NPR3: variants seen among roughly 807,000 people sequenced by gnomAD.
NPR3 encodes natriuretic peptide receptor 3.
In NPR3, 34 loss-of-function variants were observed where a neutral mutation model predicts 54.5. The ratio of observed to expected loss-of-function variants is 0.62; its 90% CI spans 0.47 to 0.83. NPR3 has a LOEUF of 0.83. NPR3 is among the 40% of genes least tolerant of loss of function. The probability of loss-of-function intolerance (pLI) is 0.00; values close to 1 mark genes in which losing one functional copy is unlikely to be tolerated. For synonymous variants in NPR3, 289 were observed against 297.1 expected, an observed-to-expected ratio of 0.97 and a Z score of 0.28; for missense variants, 674 against 720.8, an observed-to-expected ratio of 0.94 and a Z score of 0.74.
intron 1 of NPR3, among the ~76,000 whole-genome samples, chr5:32,721,283 A>T (rs184401053): frequency 1.3e-5 from 2 of 152,340 alleles, no homozygotes; most frequent in East Asian, 1.9e-4. Flanking sequence ...AATGGATAAG[A>T]TCTAAAATAA....
intron 3 of NPR3, among the ~76,000 whole-genome samples, chr5:32,740,278 T>A (rs1203552298): frequency 2.0e-5 from 3 of 152,230 alleles, no homozygotes; most frequent in African/African-American, 7.2e-5. Context: ...CGATTCAAAT[T>A]ACTTTTTCCT....
intron 2 of NPR3, among the ~76,000 whole-genome samples, chr5:32,735,844 G>C (rs817894): frequency 0.044 from 6,765 of 152,272 alleles, 496 homozygotes; most frequent in African/African-American, 0.16. Context: ...ACAAAAGCAA[G>C]AAGTCGTAGT....
chr5:32,723,677 C>T (rs1738985237), intron 1 of NPR3, among the ~76,000 whole-genome samples: 1 of 152,098 alleles, frequency 6.6e-6, no homozygotes, highest in African/African-American at 2.4e-5. Flanking sequence ...TTATTTGATG[C>T]AGTTTTTTTT....
intron 3 of NPR3, among the ~76,000 whole-genome samples, chr5:32,755,921 A>G (rs1335909936): frequency 6.6e-6 from 1 of 152,182 alleles, no homozygotes; most frequent in East Asian, 1.9e-4. Flanking sequence ...TGTCCCTACA[A>G]AGGACATGAA....
upstream of NPR3, among the ~76,000 whole-genome samples, chr5:32,705,285 C>A (rs188651482): frequency 1.3e-5 from 2 of 152,190 alleles, no homozygotes; most frequent in Non-Finnish European, 2.9e-5. Flanking sequence ...AGTGGCAGAC[C>A]ATCCACATCA....
intron 1 of NPR3, 91 bp downstream of exon 1, chr5:32,712,636 C>A: frequency 8.0e-7 from 1 of 1,248,182 alleles, no homozygotes; most frequent in South Asian, 1.6e-5. Flanking sequence ...AGACCCCACT[C>A]CCCACTGCGG....
At chr5:32,756,804 T>C (rs552648002) in intron 3 of NPR3, among the ~76,000 whole-genome samples, 1 of 152,316 alleles carries the variant, frequency 6.6e-6, no homozygotes, top group South Asian at 2.1e-4. Flanking sequence ...AGTGATCCAG[T>C]TTCAGCTTTC....
chr5:32,695,974 G>A (rs1438121905), intron 1 of NPR3, among the ~76,000 whole-genome samples: 1 of 152,144 alleles, frequency 6.6e-6, no homozygotes, highest in African/African-American at 2.4e-5. Flanking sequence ...TTTACGGGCT[G>A]CCTTCACTTT....
At chr5:32,724,583 T>C (rs1333621646) in intron 1 of NPR3, 115 bp from the exon 2 acceptor site, 17 of 1,186,790 alleles carry the variant, frequency 1.4e-5, no homozygotes, top group East Asian at 4.9e-5. Context: ...TGTGAGGAGA[T>C]ACTTCAGGAC....
At chr5:32,778,127 A>C (rs3811957) in intron 4 of NPR3, among the ~76,000 whole-genome samples, 34,451 of 152,060 alleles carry the variant, frequency 0.23, 4,009 homozygotes, top group South Asian at 0.32. Context: ...GGCATGGGTT[A>C]AATTTTCCCA....
chr5:32,740,775 G>C (rs1451531760), intron 3 of NPR3, among the ~76,000 whole-genome samples: 2 of 152,102 alleles, frequency 1.3e-5, no homozygotes, highest in Non-Finnish European at 2.9e-5. Flanking sequence ...GTGTGCAGAG[G>C]CCTTGTTCGA....
chr5:32,758,043 G>T lies in NPR3; in HGVS notation c.1060-16665G>T, dbSNP rs192264421. On this transcript the variant is annotated intron_variant, in intron 3 of 7. Transcript: ENST00000265074. ...GACTTTTGCATCGATGTTCAGCAGG[G>T]ATATTGGTCTAAAATTCTCTTTTTT... Among the ~76,000 whole-genome samples, 88 of 143,798 alleles carry T rather than the reference G, an allele frequency of 6.1e-4. No individual in the cohort carries two copies. In the East Asian group the frequency reaches 0.014, roughly 23 times the overall value. The allele number at this position is 143,798 out of a possible 152,430, so 94.3% of individuals were successfully genotyped here.
chr5:32,738,896 G>A lies in NPR3; in HGVS notation c.925G>A (p.Asp309Asn), dbSNP rs1205376162. ...CTCATGGAAGAGAGGAGACAAACACGACTTTGAAGCTAAGCAAGCATACTC... is the reference window on the plus strand; with the variant it reads ...CTCATGGAAGAGAGGAGACAAACACAACTTTGAAGCTAAGCAAGCATACTC... ...DGSWKRGDKHDFEAKQAYSSL... is the reference protein window; with the variant it reads ...DGSWKRGDKHNFEAKQAYSSL... Residue 309 changes from aspartate to asparagine, a missense_variant, in exon 3 of 8, where the codon GAC becomes AAC. Physicochemically the swap from Asp to Asn is conservative, Grantham distance 23 (BLOSUM62 1). Transcript: ENST00000265074. The A allele has an allele frequency of 1.2e-6, 2 of 1,613,796 alleles. No individual in the cohort carries two copies. Among genetic ancestry groups the A allele is most frequent in the Admixed American group, 1.7e-5 (1 of 60,020 alleles).
chr5:32,753,965 G>A (rs1052573565), intron 3 of NPR3, among the ~76,000 whole-genome samples: 2 of 152,168 alleles, frequency 1.3e-5, no homozygotes, highest in African/African-American at 4.8e-5. Context: ...CTGCACTTTA[G>A]ATCATTTGAC....
chr5:32,774,144 T>C (rs533590354), intron 3 of NPR3, among the ~76,000 whole-genome samples: 1 of 152,256 alleles, frequency 6.6e-6, no homozygotes, highest in Admixed American at 6.5e-5. Flanking sequence ...TAAGACATTA[T>C]TACTAATGGG....
chr5:32,735,300 C>T (rs1046363983), intron 2 of NPR3, among the ~76,000 whole-genome samples: 2 of 152,118 alleles, frequency 1.3e-5, no homozygotes, highest in African/African-American at 4.8e-5. Context: ...TTTTCCTTTT[C>T]TCTTTGGCGT....
At chr5:32,766,910 G>A (rs1741499077) in intron 3 of NPR3, among the ~76,000 whole-genome samples, 2 of 152,148 alleles carry the variant, frequency 1.3e-5, no homozygotes, top group African/African-American at 4.8e-5. Context: ...GTTAGCTGTT[G>A]GTTTAAAGAC....
chr5:32,713,048 T>C (rs1318613832), intron 1 of NPR3: 2 of 477,110 alleles, frequency 4.2e-6, no homozygotes, highest in Non-Finnish European at 5.5e-6. Context: ...TCTCTGACTG[T>C]TGTTTCCACA....
intron 3 of NPR3, among the ~76,000 whole-genome samples, chr5:32,740,820 G>A (rs1055688926): frequency 3.3e-5 from 5 of 152,196 alleles, no homozygotes; most frequent in East Asian, 1.9e-4. Context: ...AGTGGCTACC[G>A]TATTGGACAG....
Sources: allele counts gnomAD v4.1 joint callset (sites outside exome capture counted in the v4.1 genomes callset), GRCh38; gene constraint gnomAD v4.1.1; transcripts MANE v1.5; gene names NCBI Gene and HGNC (gene_info 2026-07-23, HGNC 2026-07-21).